DEUP1: variants seen among roughly 807,000 people sequenced by gnomAD.
DEUP1 encodes deuterosome assembly protein 1, also known as coiled-coil domain containing 67.
In DEUP1, 82 loss-of-function variants were observed where a neutral mutation model predicts 87.4. The ratio of observed to expected loss-of-function variants is 0.94; its 90% CI spans 0.78 to 1.13. DEUP1 has a LOEUF of 1.13. DEUP1 is among the 50% of genes most tolerant of loss of function. The pLI, the probability that DEUP1 is intolerant of heterozygous loss-of-function variation, is 0.00. For missense variants in DEUP1, 663 were observed against 681.5 expected (o/e 0.97, Z 0.30); for synonymous variants, 214 against 222.7 (o/e 0.96, Z 0.35).
At chr11:93,419,886 A>T (rs1286672508) in intron 13 of DEUP1, among the ~76,000 whole-genome samples, 2 of 65,240 alleles carry the variant, frequency 3.1e-5, no homozygotes, top group African/African-American at 9.0e-5. Flanking sequence ...ATAAAAATTA[A>T]AAAAAAAACA....
intron 2 of DEUP1, among the ~76,000 whole-genome samples, chr11:93,339,061 C>A (rs973790282): frequency 6.6e-5 from 10 of 152,298 alleles, no homozygotes; most frequent in African/African-American, 2.2e-4. Context: ...ACAGTTTTCA[C>A]CCTTAAATGT....
chr11:93,352,564 T>C (rs1944678136), intron 2 of DEUP1: 2 of 598,094 alleles, frequency 3.3e-6, no homozygotes, highest in Admixed American at 5.4e-5. Context: ...TTACAGTATC[T>C]CCCCATACCT....
chr11:93,347,899 C>G (rs1380858393), intron 2 of DEUP1, among the ~76,000 whole-genome samples: 1 of 152,090 alleles, frequency 6.6e-6, no homozygotes, highest in Admixed American at 6.5e-5. Flanking sequence ...GCCACCACGC[C>G]TGGCTAATTT....
intron 12 of DEUP1, among the ~76,000 whole-genome samples, chr11:93,412,742 C>A (rs577937050): frequency 6.6e-6 from 1 of 152,050 alleles, no homozygotes; most frequent in South Asian, 2.1e-4. Context: ...TAGACAGTAA[C>A]CTCACTCAAA....
At chr11:93,431,813 G>A (rs1053833359) in intron 13 of DEUP1, among the ~76,000 whole-genome samples, 3 of 152,158 alleles carry the variant, frequency 2.0e-5, no homozygotes, top group Non-Finnish European at 4.4e-5. Flanking sequence ...GGAGAAAAGA[G>A]TGATTAAAGA....
At position 93,396,250 on chromosome 11, in the gene DEUP1, G is replaced by A. The variant is rs751323249; in HGVS notation, c.1251G>A (p.Met417Ile). The A allele has an allele frequency of 1.3e-6, 2 of 1,568,320 alleles. No homozygotes were observed. The highest frequency in any genetic ancestry group is 2.4e-5 in the South Asian group (2 of 83,226). Residue 417 changes from methionine (M) to isoleucine (I), a missense_variant, in exon 11 of 14, where the codon ATG becomes ATA. By Grantham distance (10) the Met-to-Ile change is conservative. Transcript: ENST00000298050. The stretch of plus-strand genomic sequence containing the variant: ...TCTGCTAATTTCAGGTCTCAGATAT[G>A]AAATATAAAGCTGTCAGAACTGAAA... ...KMLAKQKVSDMKYKAVRTENT... is the reference protein window; with the variant it reads ...KMLAKQKVSDIKYKAVRTENT...
intron 11 of DEUP1, among the ~76,000 whole-genome samples, chr11:93,407,388 G>A (rs575285362): frequency 1.3e-5 from 2 of 152,222 alleles, no homozygotes; most frequent in South Asian, 4.1e-4. Flanking sequence ...GGTTTGTGTA[G>A]ACACACTGTA....
chr11:93,349,007 G>A (rs1257928410), intron 2 of DEUP1, among the ~76,000 whole-genome samples: 1 of 152,238 alleles, frequency 6.6e-6, no homozygotes, highest in African/African-American at 2.4e-5. Flanking sequence ...AAGCTCAGAT[G>A]TTACCTCATT....
At chr11:93,398,041 C>T (rs1225512857) in intron 11 of DEUP1, among the ~76,000 whole-genome samples, 4 of 152,040 alleles carry the variant, frequency 2.6e-5, no homozygotes, top group Admixed American at 1.3e-4. Context: ...ATTATACCCC[C>T]TCCTCTAGAT....
intron 11 of DEUP1, among the ~76,000 whole-genome samples, chr11:93,399,481 TTA>T (rs1947050718): frequency 6.6e-6 from 1 of 151,934 alleles, no homozygotes; most frequent in Non-Finnish European, 1.5e-5. Context: ...CAAAAAGATC[TTA>T]CCATTTTCTT....
chr11:93,382,025 C>A (rs535709185), intron 7 of DEUP1, among the ~76,000 whole-genome samples: 2 of 152,204 alleles, frequency 1.3e-5, no homozygotes, highest in Admixed American at 6.5e-5. Context: ...AGATCCCATA[C>A]AATTTTACAG....
chr11:93,352,254 A>G (rs1944661062), intron 2 of DEUP1: 1 of 662,938 alleles, frequency 1.5e-6, no homozygotes, highest in South Asian at 1.6e-5. Context: ...ATTGAAATGG[A>G]TGCTGAAATA....
At chr11:93,335,506 T>A (rs1266731106) in intron 2 of DEUP1, among the ~76,000 whole-genome samples, 1 of 152,238 alleles carries the variant, frequency 6.6e-6, no homozygotes, top group Non-Finnish European at 1.5e-5. Flanking sequence ...AGATCTTCAC[T>A]ATAATTGTAG....
At chr11:93,335,000 G>C (rs1943681371) in intron 2 of DEUP1, among the ~76,000 whole-genome samples, 1 of 152,012 alleles carries the variant, frequency 6.6e-6, no homozygotes, top group South Asian at 2.1e-4. Context: ...TGAAAAATGT[G>C]CTTCAGTTAT....
At chr11:93,345,370 A>G (rs1370814415) in intron 2 of DEUP1, among the ~76,000 whole-genome samples, 1 of 152,198 alleles carries the variant, frequency 6.6e-6, no homozygotes, top group East Asian at 1.9e-4. Context: ...TTTGGTATAT[A>G]CCCAGCAATG....
rs560301364 is a variant in DEUP1, at chr11:93,386,694, G to A, written c.935+1151G>A. Among the ~76,000 whole-genome samples, 208 of 152,270 alleles carry A rather than the reference G, an allele frequency of 1.4e-3. 1 individual carries two copies. The highest frequency in any genetic ancestry group is 4.8e-3 in the African/African-American group (199 of 41,550). On this transcript the variant is annotated intron_variant, in intron 8 of 13. Transcript: ENST00000298050. ...ATTTGTGTGTCTCACCAAGGATGGT[G>A]ACAGAATGCCTATTAGCCAATCTGC... is the stretch of plus-strand genomic sequence containing the variant.
At chr11:93,407,218 C>T (rs1947305946) in intron 11 of DEUP1, among the ~76,000 whole-genome samples, 1 of 148,820 alleles carries the variant, frequency 6.7e-6, no homozygotes, top group South Asian at 2.2e-4. Flanking sequence ...GAAAAAAAAA[C>T]TGAATTCAAC....
chr11:93,362,096 C>G (rs1012922807), intron 4 of DEUP1, among the ~76,000 whole-genome samples: 5 of 151,908 alleles, frequency 3.3e-5, no homozygotes, highest in African/African-American at 1.2e-4. Context: ...AATGTAAAAC[C>G]TAAATCTAAA....
chr11:93,380,545 T>C (rs1406814907), intron 7 of DEUP1, among the ~76,000 whole-genome samples: 1 of 151,928 alleles, frequency 6.6e-6, no homozygotes, highest in Admixed American at 6.6e-5. Flanking sequence ...GGACTACAGG[T>C]GCCGGCCACC....
Sources: allele counts gnomAD v4.1 joint callset (sites outside exome capture counted in the v4.1 genomes callset), GRCh38; gene constraint gnomAD v4.1.1; transcripts MANE v1.5; gene names NCBI Gene and HGNC (gene_info 2026-07-23, HGNC 2026-07-21).